The following SCFD2 variants were observed in gnomAD, a reference collection of about 807,000 sequenced individuals.
The protein encoded by SCFD2 is sec1 family domain containing 2.
In SCFD2, 54 loss-of-function variants were observed where a neutral mutation model predicts 58.9. The observed-to-expected ratio is 0.92, with a 90% confidence interval of 0.74 to 1.15. The LOEUF (loss-of-function observed/expected upper bound fraction) is 1.15. Among genes scored for constraint, SCFD2 ranks in the 50% most tolerant of loss-of-function variants. The pLI is 0.00. For missense variants in SCFD2, 805 were observed against 836.6 expected (o/e 0.96, Z 0.47); for synonymous variants, 321 against 335.9 (o/e 0.96, Z 0.49).
chr4:52,963,014 C>T (rs1290916505), intron 5 of SCFD2, among the ~76,000 whole-genome samples: 1 of 152,172 alleles, frequency 6.6e-6, no homozygotes, highest in African/African-American at 2.4e-5. Context: ...AAGTGACTTA[C>T]TTGTATATAA....
chr4:53,201,697 A>G (rs1249544533), intron 4 of SCFD2, among the ~76,000 whole-genome samples: 1 of 152,038 alleles, frequency 6.6e-6, no homozygotes, highest in Non-Finnish European at 1.5e-5. Context: ...TTGTTTCCTG[A>G]CTTTTTGATG....
At chr4:53,343,207 C>T (rs925535581) in intron 2 of SCFD2, among the ~76,000 whole-genome samples, 19 of 151,890 alleles carry the variant, frequency 1.3e-4, no homozygotes, top group Non-Finnish European at 2.1e-4. Flanking sequence ...ATTGATAGAC[C>T]GCTAACAAGA....
chr4:53,213,255 C>G (rs1728682389), intron 4 of SCFD2, among the ~76,000 whole-genome samples: 1 of 152,002 alleles, frequency 6.6e-6, no homozygotes, highest in Non-Finnish European at 1.5e-5. Flanking sequence ...AGATAGAAAT[C>G]AAAATCACAA....
intron 4 of SCFD2, among the ~76,000 whole-genome samples, chr4:53,204,746 C>G (rs1368668704): frequency 1.4e-5 from 2 of 146,916 alleles, no homozygotes; most frequent in Non-Finnish European, 1.5e-5. Flanking sequence ...GCATGGCTCA[C>G]AATTATGAAA....
At chr4:53,060,265 C>A (rs1157802319) in intron 5 of SCFD2, among the ~76,000 whole-genome samples, 1 of 152,082 alleles carries the variant, frequency 6.6e-6, no homozygotes, top group Non-Finnish European at 1.5e-5. Context: ...AAGTACTGTT[C>A]TTCGTGTTAC....
At chr4:53,352,270 G>C (rs970051601) in intron 2 of SCFD2, among the ~76,000 whole-genome samples, 1 of 152,172 alleles carries the variant, frequency 6.6e-6, no homozygotes, top group African/African-American at 2.4e-5. Context: ...CTGGGAAAAA[G>C]AAACTGAGGA....
intron 7 of SCFD2, among the ~76,000 whole-genome samples, chr4:52,905,434 G>A (rs1719321477): frequency 1.3e-5 from 2 of 152,168 alleles, no homozygotes; most frequent in African/African-American, 4.8e-5. Context: ...GAGTGGACAG[G>A]GCTTTGTTGC....
At chr4:52,887,785 G>A (rs1304661745) in intron 7 of SCFD2, among the ~76,000 whole-genome samples, 1 of 152,166 alleles carries the variant, frequency 6.6e-6, no homozygotes, top group African/African-American at 2.4e-5. Flanking sequence ...GGAGTGCCTG[G>A]GGGAGGAGCA....
intron 4 of SCFD2, among the ~76,000 whole-genome samples, chr4:53,220,014 C>G (rs1419479995): frequency 1.3e-5 from 2 of 152,090 alleles, no homozygotes; most frequent in Admixed American, 6.5e-5. Flanking sequence ...TTTGCCCTTC[C>G]TGCTACCTCT....
At chr4:53,029,041 G>A (rs2062185) in intron 5 of SCFD2, among the ~76,000 whole-genome samples, 30,961 of 152,146 alleles carry the variant, frequency 0.2, 5,081 homozygotes, top group African/African-American at 0.46. Flanking sequence ...CTCCATTCCA[G>A]TACAAAGAAG....
intron 5 of SCFD2, among the ~76,000 whole-genome samples, chr4:53,057,728 AAAG>A (rs1424604705): frequency 6.6e-6 from 1 of 152,150 alleles, no homozygotes; most frequent in African/African-American, 2.4e-5. Context: ...CTTGCTTATA[AAAG>A]AAAGAAGTAG....
intron 5 of SCFD2, among the ~76,000 whole-genome samples, chr4:53,098,092 T>C (rs1724713671): frequency 6.6e-6 from 1 of 152,232 alleles, no homozygotes; most frequent in Admixed American, 6.5e-5. Flanking sequence ...GATAAGCTTT[T>C]TGATGTGCTG....
At chr4:53,296,923 T>C (rs1450004452) in intron 3 of SCFD2, among the ~76,000 whole-genome samples, 1 of 152,244 alleles carries the variant, frequency 6.6e-6, no homozygotes, top group Non-Finnish European at 1.5e-5. Context: ...AGGAGGTTGT[T>C]CAGTTTCCAT....
chr4:53,207,931 G>C (rs767117218), intron 4 of SCFD2, among the ~76,000 whole-genome samples: 1 of 149,976 alleles, frequency 6.7e-6, no homozygotes. Flanking sequence ...CTCAGTCTCA[G>C]GTATTTCTTT....
intron 5 of SCFD2, among the ~76,000 whole-genome samples, chr4:53,058,303 T>C (rs938392194): frequency 1.3e-5 from 2 of 152,078 alleles, no homozygotes; most frequent in South Asian, 2.1e-4. Context: ...CCAACTCATA[T>C]AGGCATAAAA....
At chr4:53,217,069 T>G (rs1489701176) in intron 4 of SCFD2, among the ~76,000 whole-genome samples, 2 of 152,236 alleles carry the variant, frequency 1.3e-5, no homozygotes, top group African/African-American at 4.8e-5. Context: ...CTTCCAGCTA[T>G]GTGGTCAATT....
intron 4 of SCFD2, among the ~76,000 whole-genome samples, chr4:53,222,359 C>T (rs1577860401): frequency 6.6e-6 from 1 of 152,178 alleles, no homozygotes; most frequent in Admixed American, 6.5e-5. Flanking sequence ...CTTCCTGAAG[C>T]TTGAAGCTTT....
intron 4 of SCFD2, among the ~76,000 whole-genome samples, chr4:53,159,814 C>T (rs940367107): frequency 6.6e-6 from 1 of 152,194 alleles, no homozygotes; most frequent in African/African-American, 2.4e-5. Flanking sequence ...GGGCCTACGA[C>T]AGCTAGTGCC....
intron 2 of SCFD2, among the ~76,000 whole-genome samples, chr4:53,343,739 A>C (rs937010664): frequency 2.0e-5 from 3 of 152,248 alleles, no homozygotes. Context: ...GCAGCACATC[A>C]AAAAGCTTAT....
Sources: allele counts gnomAD v4.1 joint callset (sites outside exome capture counted in the v4.1 genomes callset), GRCh38; gene constraint gnomAD v4.1.1; transcripts MANE v1.5; gene names NCBI Gene and HGNC (gene_info 2026-07-23, HGNC 2026-07-21).